PTPRK: variants seen among roughly 807,000 people sequenced by gnomAD.
The protein encoded by PTPRK is receptor-type tyrosine-protein phosphatase kappa.
Under a neutral mutation model 178.0 loss-of-function variants are expected in PTPRK, and 75 were observed. The ratio of observed to expected loss-of-function variants is 0.42; its 90% CI spans 0.35 to 0.51. The LOEUF (loss-of-function observed/expected upper bound fraction) is 0.51, where lower values mean the gene tolerates loss of function less well. PTPRK is among the 20% of genes least tolerant of loss of function. The pLI is 0.02. For synonymous variants in PTPRK, 637 were observed against 620.6 expected (o/e 1.03, Z -0.39); for missense variants, 1,441 against 1,797.8 (o/e 0.80, Z 3.59).
In PTPRK at chr6:128,434,514, C is replaced by T. The variant is rs73772033; in HGVS notation, c.101-36826G>A. Among the ~76,000 whole-genome samples the T allele has an allele frequency of 7.0e-3, 1,069 of 152,212 alleles. 9 individuals carry two copies. The highest frequency in any genetic ancestry group is 0.025 in the African/African-American group (1,028 of 41,552). On this transcript the variant is annotated intron_variant, in intron 1 of 29. Transcript: ENST00000368226. ...TATGACTTGGAACAAACTGCTTACC[C>T]TCCTGAAATTTCAGTTTACTTACTC... is the stretch of plus-strand genomic sequence containing the variant.
intron 2 of PTPRK, among the ~76,000 whole-genome samples, chr6:128,338,226 T>C (rs934490301): frequency 6.6e-6 from 1 of 152,124 alleles, no homozygotes; most frequent in African/African-American, 2.4e-5. Flanking sequence ...ATAGTAGCTG[T>C]GGCAGTCAAT....
intron 13 of PTPRK, among the ~76,000 whole-genome samples, chr6:128,044,158 TA>T (rs1350400749): frequency 1.3e-5 from 2 of 152,092 alleles, no homozygotes; most frequent in Non-Finnish European, 2.9e-5. Context: ...TCAAAGAGCT[TA>T]TTTTTTGCAC....
At chr6:128,482,441 G>A (rs962823930) in intron 1 of PTPRK, among the ~76,000 whole-genome samples, 4 of 152,090 alleles carry the variant, frequency 2.6e-5, no homozygotes, top group African/African-American at 2.4e-5. Flanking sequence ...GGGAGGAAAA[G>A]GGGTGGAGAA....
intron 2 of PTPRK, among the ~76,000 whole-genome samples, chr6:128,378,401 A>C (rs562776378): frequency 1.3e-5 from 2 of 152,278 alleles, no homozygotes; most frequent in East Asian, 3.9e-4. Context: ...ACATACAAAC[A>C]ACAATGCACA....
At chr6:127,982,174 T>C (rs568013381) in intron 24 of PTPRK, among the ~76,000 whole-genome samples, 4 of 152,146 alleles carry the variant, frequency 2.6e-5, no homozygotes, top group African/African-American at 4.8e-5. Context: ...TCTCATCACA[T>C]TGTGAGTGAC....
At chr6:128,087,984 A>G (rs900185447) in intron 8 of PTPRK, among the ~76,000 whole-genome samples, 2 of 152,216 alleles carry the variant, frequency 1.3e-5, no homozygotes, top group African/African-American at 4.8e-5. Flanking sequence ...AGCTAATAGA[A>G]GGTAGGCACC....
chr6:128,257,392 C>A (rs1161426832), intron 3 of PTPRK, among the ~76,000 whole-genome samples: 2 of 151,998 alleles, frequency 1.3e-5, no homozygotes, highest in African/African-American at 4.8e-5. Context: ...ATGTGATTTG[C>A]ACCTTAAAAA....
At chr6:128,102,460 T>A (rs1026233097) in intron 7 of PTPRK, among the ~76,000 whole-genome samples, 1 of 152,146 alleles carries the variant, frequency 6.6e-6, no homozygotes, top group East Asian at 1.9e-4. Flanking sequence ...GAGTTACAAA[T>A]GTGGTCTTTT....
At chr6:128,493,748 C>T (rs1854247641) in intron 1 of PTPRK, among the ~76,000 whole-genome samples, 1 of 152,030 alleles carries the variant, frequency 6.6e-6, no homozygotes, top group Non-Finnish European at 1.5e-5. Context: ...TAAACAAGCA[C>T]AATGGGTGAC....
At chr6:128,428,593 G>C (rs1844457880) in intron 1 of PTPRK, among the ~76,000 whole-genome samples, 2 of 152,120 alleles carry the variant, frequency 1.3e-5, no homozygotes, top group Non-Finnish European at 2.9e-5. Context: ...GTGAAGATCT[G>C]TGGTAAATAG....
chr6:128,457,710 A>G (rs533137150), intron 1 of PTPRK, among the ~76,000 whole-genome samples: 8 of 152,150 alleles, frequency 5.3e-5, no homozygotes, highest in African/African-American at 9.7e-5. Context: ...TCACATACAG[A>G]TAATTTTTTC....
intron 7 of PTPRK, among the ~76,000 whole-genome samples, chr6:128,105,682 C>G (rs1328806547): frequency 6.6e-6 from 1 of 152,150 alleles, no homozygotes; most frequent in African/African-American, 2.4e-5. Flanking sequence ...ATCAGATGCC[C>G]TGCACTAACT....
chr6:128,457,089 T>C (rs969268979), intron 1 of PTPRK, among the ~76,000 whole-genome samples: 2 of 152,042 alleles, frequency 1.3e-5, no homozygotes, highest in Admixed American at 6.6e-5. Context: ...GACTGTACCA[T>C]AGGAGCAGAT....
chr6:128,063,420 T>C (rs141910379), intron 13 of PTPRK: 130 of 152,266 alleles, frequency 8.5e-4, no homozygotes, highest in African/African-American at 3.0e-3. Context: ...TATGTTAGGG[T>C]AATATATAGC....
Position 127,986,239 on chromosome 6 carries a change from T to A in PTPRK, c.3097-364A>T, listed in dbSNP as rs377044891. On this transcript the variant is annotated intron_variant, in intron 21 of 29. Coordinates refer to ENST00000368226, the MANE Select transcript of PTPRK (RefSeq NM_002844.4). ...AATGCTGCCCCATTGACCCAATGCA[T>A]TGAGTTCTCAAGTGGTGTATAAAAG... 2.0e-5 allele frequency among the ~76,000 whole-genome samples: 3 copies of A among 152,252 alleles called. No individual in the cohort carries two copies. The South Asian group carries it at 6.2e-4, about 32-fold the overall frequency.
In PTPRK at chr6:128,471,372, A is replaced by G. The variant is rs552374706; in HGVS notation, c.100+48887T>C. On this transcript the variant is annotated intron_variant, in intron 1 of 29. Transcript: ENST00000368226. Reference sequence around the variant, plus strand: ...CTGAGGCAGGAAATGAATGGGGGGGAAAAGTGAATGGGCAGAAGATTCTAG... The same window carrying G: ...CTGAGGCAGGAAATGAATGGGGGGGGAAAGTGAATGGGCAGAAGATTCTAG... 4.6e-3 allele frequency among the ~76,000 whole-genome samples: 695 copies of G among 151,850 alleles called. 6 individuals are homozygous for G. Among genetic ancestry groups the G allele is most frequent in the African/African-American group, 0.015 (639 of 41,420 alleles).
At position 128,064,840 on chromosome 6, in the gene PTPRK, T is replaced by C. The variant is rs747843511; in HGVS notation, c.2158-46A>G. ...AAAAAAAGAGTCAATGTACAGATAA[T>C]GTTTCCTGTTTCATAAACTATAATT... On this transcript the variant is annotated intron_variant, in intron 12 of 29. Transcript: ENST00000368226. 10 of 1,525,326 alleles carry C rather than the reference T, an allele frequency of 6.6e-6. No homozygotes were observed. The Admixed American group carries it at 1.2e-4, about 18-fold the overall frequency. The allele number at this position is 1,525,326 out of a possible 1,614,324, so 94.5% of individuals were successfully genotyped here.
intron 1 of PTPRK, among the ~76,000 whole-genome samples, chr6:128,488,889 G>T (rs1299471135): frequency 1.3e-5 from 2 of 151,034 alleles, no homozygotes; most frequent in Non-Finnish European, 2.9e-5. Context: ...CCAACAAATA[G>T]AGTGTTTTAA....
intron 1 of PTPRK, among the ~76,000 whole-genome samples, chr6:128,476,006 T>TA (rs948062228): frequency 1.3e-5 from 2 of 151,954 alleles, no homozygotes; most frequent in African/African-American, 2.4e-5. Context: ...TTCTTTTTCT[T>TA]AAAAAAAATT....
Sources: allele counts gnomAD v4.1 joint callset (sites outside exome capture counted in the v4.1 genomes callset), GRCh38; gene constraint gnomAD v4.1.1; transcripts MANE v1.5; gene names NCBI Gene and HGNC (gene_info 2026-07-23, HGNC 2026-07-21).